The following ALLC variants were observed in gnomAD, a reference collection of about 807,000 sequenced individuals.
The protein encoded by ALLC is allantoicase.
Under a neutral mutation model 45.0 loss-of-function variants are expected in ALLC, and 40 were observed. The observed-to-expected ratio is 0.89, with a 90% confidence interval of 0.69 to 1.16. The LOEUF (loss-of-function observed/expected upper bound fraction) is 1.16. Ranked by LOEUF, ALLC falls within the 50% of genes most tolerant of loss-of-function variation. ALLC has a pLI of 0.00. For synonymous variants in ALLC, 176 were observed against 178.1 expected (o/e 0.99, Z 0.09); for missense variants, 488 against 493.1 (o/e 0.99, Z 0.10).
intron 10 of ALLC, among the ~76,000 whole-genome samples, chr2:3,700,856 T>G (rs1035321803): frequency 6.6e-6 from 1 of 152,162 alleles, no homozygotes; most frequent in African/African-American, 2.4e-5. Context: ...GGTTCTTGAT[T>G]AGCAGCTCCT....
At chr2:3,681,548 A>G in intron 5 of ALLC, 86 bp from the exon 6 acceptor site, 1 of 914,228 alleles carries the variant, frequency 1.1e-6, no homozygotes, top group Non-Finnish European at 1.7e-6. Context: ...TTGCAAAGCG[A>G]GAATTACCAT....
At chr2:3,682,830 C>A in intron 6 of ALLC, 112 bp from the exon 7 acceptor site, 1 of 1,176,628 alleles carries the variant, frequency 8.5e-7, no homozygotes, top group African/African-American at 1.5e-5. Flanking sequence ...CGGCATCCAT[C>A]ATTAATTTTT....
In ALLC at chr2:3,679,957, T is replaced by C. The variant is rs775436914; in HGVS notation, c.261T>C (p.Ala87=). The change falls in exon 5 of 12, where the codon GCT becomes GCC. Residue 87 remains alanine, a synonymous_variant. Transcript: ENST00000252505. ...TTTCTTACTTCACGGGAGATTACGC[T>C]CCTCGAGTGTCCATTCAAGCAGCAA... The part of the protein sequence containing the change: ...VDVSYFTGDY[A]PRVSIQAANL... 6.2e-6 allele frequency: 10 copies of C among 1,613,824 alleles called. No homozygotes were observed. The highest frequency in any genetic ancestry group is 3.3e-5 in the South Asian group (3 of 91,078).
At chr2:3,673,322 G>A (rs1572512494) in intron 2 of ALLC, among the ~76,000 whole-genome samples, 2 of 152,226 alleles carry the variant, frequency 1.3e-5, no homozygotes, top group East Asian at 3.9e-4. Context: ...GAGATCTGGA[G>A]CAAGGGGGAT....
chr2:3,674,661 T>G (rs1308606679), intron 3 of ALLC, among the ~76,000 whole-genome samples: 1 of 152,160 alleles, frequency 6.6e-6, no homozygotes, highest in Admixed American at 6.5e-5. Context: ...TGGCCTCCAT[T>G]GTGGGCAGCG....
intron 7 of ALLC, among the ~76,000 whole-genome samples, chr2:3,692,911 C>A (rs1161419735): frequency 6.6e-6 from 1 of 152,142 alleles, no homozygotes; most frequent in Non-Finnish European, 1.5e-5. Context: ...GAGCCCCCGC[C>A]TCTCAACCAC....
At chr2:3,651,791 C>T in the ALLC span, among the ~76,000 whole-genome samples, 3 of 152,090 alleles carry the variant, frequency 2.0e-5, no homozygotes, top group South Asian at 6.2e-4. Context: ...TCGCGTGGCT[C>T]TCAATCGTCC....
chr2:3,662,247 C>T (rs1379469348), intron 1 of ALLC, among the ~76,000 whole-genome samples: 1 of 152,222 alleles, frequency 6.6e-6, no homozygotes. Context: ...GTCTTAGGGT[C>T]TGTGGCTTCG....
Position 3,680,986 on chromosome 2 carries a change from TAA to T in ALLC, c.299-641_299-640del, listed in dbSNP as rs969962591. 6.6e-6 allele frequency among the ~76,000 whole-genome samples: 1 copy of T among 151,972 alleles called. No individual in the cohort carries two copies. Among genetic ancestry groups the T allele is most frequent in the Non-Finnish European group, 1.5e-5 (1 of 67,990 alleles). On this transcript the variant is annotated intron_variant, in intron 5 of 11. Coordinates refer to ENST00000252505, the MANE Select transcript of ALLC (RefSeq NM_018436.4). This position sits in a 1 kb window ranked among gnomAD's most constrained non-coding sequence, Gnocchi z 4.0. ...ATCTGATGTTGACTTTAGCATTAATTAAAAAAAATATACAATTATGTGTGTGT... is the reference window on the plus strand; with the variant it reads ...ATCTGATGTTGACTTTAGCATTAATTAAAAAATATACAATTATGTGTGTGT...
At position 3,680,077 on chromosome 2, in the gene ALLC, C is replaced by T; in HGVS notation, c.298+83C>T. The T allele has an allele frequency of 1.9e-6, 3 of 1,577,304 alleles. No individual in the cohort carries two copies. Among genetic ancestry groups the T allele is most frequent in the Non-Finnish European group, 2.6e-6 (3 of 1,153,254 alleles). ...CCAGCCACAGCCCCACAACTGCTCA[C>T]TTTCCCTACCACCCAGACAGCTTCA... is the stretch of plus-strand genomic sequence containing the variant. On this transcript the variant is annotated intron_variant, in intron 5 of 11. Transcript: ENST00000252505. The surrounding 1 kb of genome is among the most constrained non-coding windows in gnomAD (Gnocchi z 4.0).
the ALLC span, among the ~76,000 whole-genome samples, chr2:3,646,511 G>A: frequency 9.9e-5 from 15 of 152,248 alleles, no homozygotes; most frequent in East Asian, 7.7e-4. Flanking sequence ...AGTTTATTCC[G>A]GACCTGAGTG....
intron 3 of ALLC, among the ~76,000 whole-genome samples, chr2:3,675,769 C>T (rs1667009973): frequency 6.6e-6 from 1 of 152,248 alleles, no homozygotes; most frequent in Non-Finnish European, 1.5e-5. Flanking sequence ...CCCTCCCTTT[C>T]CACCATTCAC....
the ALLC span, among the ~76,000 whole-genome samples, chr2:3,649,854 G>C: frequency 1.3e-5 from 2 of 152,238 alleles, no homozygotes; most frequent in South Asian, 4.1e-4. Flanking sequence ...AGAACAAACA[G>C]ACGCCACAGA....
At chr2:3,665,027 AT>A (rs1405524986) in intron 1 of ALLC, among the ~76,000 whole-genome samples, 1 of 152,124 alleles carries the variant, frequency 6.6e-6, no homozygotes, top group Non-Finnish European at 1.5e-5. Context: ...ATATAAATAT[AT>A]TCAAAAATAT....
chr2:3,701,652 T>C lies in ALLC; in HGVS notation c.975+16T>C, dbSNP rs1363676758. The C allele has an allele frequency of 2.5e-6, 4 of 1,608,044 alleles. No homozygotes were observed. The South Asian group carries it at 3.3e-5, about 13-fold the overall frequency. ...AGTGACCAAGGTTCGTGTGGCATGT[T>C]ATTCGGATCCAGCACTCAGACTGTG... On this transcript the variant is annotated intron_variant, in intron 11 of 11. Transcript: ENST00000252505.
At chr2:3,686,153 G>T (rs549656636) in intron 7 of ALLC, among the ~76,000 whole-genome samples, 12 of 151,100 alleles carry the variant, frequency 7.9e-5, no homozygotes, top group African/African-American at 2.7e-4. Context: ...ATTTCATTTT[G>T]CATAAGGTGA....
the ALLC span, among the ~76,000 whole-genome samples, chr2:3,647,363 G>A: frequency 1.3e-5 from 2 of 151,968 alleles, no homozygotes; most frequent in Non-Finnish European, 2.9e-5. Flanking sequence ...ATGCCTCGGG[G>A]GTGGGCATTC....
In ALLC at chr2:3,695,777, AC is replaced by A. The variant is rs563393202; in HGVS notation, c.576del (p.Glu194AsnfsTer5). The A allele has an allele frequency of 1.2e-4, 192 of 1,613,940 alleles. 2 individuals are homozygous for A. The South Asian group carries it at 2.0e-3, about 17-fold the overall frequency. ...GTGQKDWTAT[D>X]PKEPADLVAI... ...GGACAAAAAGACTGGACTGCAACTG[AC>A]CCCAAAGAACCTGCAGACCTAGTGG... On this transcript the variant is annotated frameshift_variant, in exon 8 of 12. Coordinates refer to ENST00000252505, the MANE Select transcript of ALLC (RefSeq NM_018436.4). LOFTEE classifies it high-confidence loss of function.
In ALLC at chr2:3,677,864, C is replaced by T. The variant is rs941867804; in HGVS notation, c.85-604C>T. On this transcript the variant is annotated intron_variant, in intron 3 of 11. Coordinates refer to ENST00000252505, the MANE Select transcript of ALLC (RefSeq NM_018436.4). Reference sequence around the variant, plus strand: ...CAGCATAACGATTTCTGAGCATCCACGCTATTTGAGGGTCTTTCATGTCGG... The same window carrying T: ...CAGCATAACGATTTCTGAGCATCCATGCTATTTGAGGGTCTTTCATGTCGG... Among the ~76,000 whole-genome samples the T allele has an allele frequency of 3.9e-5, 6 of 152,218 alleles. No individual in the cohort carries two copies. In the East Asian group the frequency reaches 5.8e-4, roughly 15 times the overall value.
Sources: gnomAD v4.1 joint callset for allele counts (sites outside exome capture counted in the v4.1 genomes callset) on GRCh38, gnomAD v4.1.1 for gene constraint, Gnocchi (gnomAD v3.1) non-coding constraint, MANE v1.5 for transcripts, NCBI Gene and HGNC (gene_info 2026-07-23, HGNC 2026-07-21) for gene names.